Variants in TP73 observed in about 807,000 individuals in gnomAD.
TP73 encodes p53-like transcription factor.
A neutral mutation model predicts 62.5 loss-of-function variants in TP73; 25 were observed. The ratio of observed to expected loss-of-function variants is 0.40; its 90% confidence interval spans 0.29 to 0.56. TP73 has a LOEUF of 0.56. Ranked by LOEUF, TP73 falls within the 20% of genes least tolerant of loss-of-function variation. The probability of loss-of-function intolerance (pLI) is 0.46; values close to 1 mark genes in which losing one functional copy is unlikely to be tolerated. For synonymous variants in TP73, 423 were observed against 377.5 expected (o/e 1.12, Z -1.40); for missense variants, 754 against 913.3 (o/e 0.83, Z 2.25).
intron 1 of TP73, among the ~76,000 whole-genome samples, chr1:3,681,831 G>A (rs1645528686): frequency 1.3e-5 from 2 of 151,824 alleles, no homozygotes. Flanking sequence ...CATCCCCCAG[G>A]CCAAACCCAG....
rs530829131 is a variant in TP73 at position 3,698,454 on chromosome 1, C to T, written c.187-9095C>T. 9.2e-5 allele frequency among the ~76,000 whole-genome samples: 14 copies of T among 152,342 alleles called. No individual in the cohort carries two copies. In the Middle Eastern group the frequency reaches 0.01, roughly 111 times the overall value. On this transcript the variant is annotated intron_variant, in intron 3 of 13. Transcript: ENST00000378295. ...GCCTGGATACCCCACTGGGGCCTCC[C>T]GCAGACACTCAGGGTCCAGGCTGCC...
chr1:3,701,520 T>C lies in TP73; in HGVS notation c.187-6029T>C, dbSNP rs1392588667. The stretch of plus-strand genomic sequence containing the variant: ...CACGTTGATTTCTTTTTTGGTTTTT[T>C]TCGAGACAGAGTCTTGCTCTGTCAC... On this transcript the variant is annotated intron_variant, in intron 3 of 13. Coordinates refer to ENST00000378295, the MANE Select transcript of TP73 (RefSeq NM_005427.4). The surrounding 1 kb of genome is among the most constrained non-coding windows in gnomAD (Gnocchi z 4.7). Among the ~76,000 whole-genome samples, 2 of 152,190 alleles carry C rather than the reference T, an allele frequency of 1.3e-5. No individual in the cohort carries two copies. Among genetic ancestry groups the C allele is most frequent in the Non-Finnish European group, 2.9e-5 (2 of 68,040 alleles).
intron 3 of TP73, among the ~76,000 whole-genome samples, chr1:3,686,547 T>C (rs1252383975): frequency 6.6e-6 from 1 of 152,186 alleles, no homozygotes; most frequent in African/African-American, 2.4e-5. Flanking sequence ...CACTGGCCCC[T>C]GCAGAGGAGG....
chr1:3,690,889 ACC>A, intron 3 of TP73: 1 of 1,569,630 alleles, frequency 6.4e-7, no homozygotes, highest in Non-Finnish European at 8.6e-7. Flanking sequence ...GCGTGTGCAG[ACC>A]CCCCGGCGCC....
At chr1:3,678,874 G>C (rs955613671) in intron 1 of TP73, among the ~76,000 whole-genome samples, 13 of 152,342 alleles carry the variant, frequency 8.5e-5, no homozygotes, top group African/African-American at 2.9e-4. Flanking sequence ...GCACCTGGAG[G>C]CCCACTGCCC....
In TP73 at chr1:3,666,150, A is replaced by T. The variant is rs543394835; in HGVS notation, c.-34+13509A>T. Among the ~76,000 whole-genome samples the T allele has an allele frequency of 7.2e-5, 10 of 138,692 alleles. No homozygotes were observed. 91.0% of individuals were successfully genotyped at this position (138,692 alleles called of 152,430 possible). ...AAAAAAAAAAAAAAAAAAAAAAAAA[A>T]AGAGAGAGAGAGAGAGAGAATCTCA... On this transcript the variant is annotated intron_variant, in intron 1 of 13. Coordinates refer to ENST00000378295, the MANE Select transcript of TP73 (RefSeq NM_005427.4). This position sits in a 1 kb window ranked among gnomAD's most constrained non-coding sequence, Gnocchi z 6.4.
At position 3,705,930 on chromosome 1, in the gene TP73, G is replaced by C. The variant is rs894818325; in HGVS notation, c.187-1619G>C. On this transcript the variant is annotated intron_variant, in intron 3 of 13. Coordinates refer to ENST00000378295, the MANE Select transcript of TP73 (RefSeq NM_005427.4). ...TCACTAAACCCAACCACCTCTGATGGAGAAGGCTGAGGTGCAGGAAGGGGC... is the reference window on the plus strand; with the variant it reads ...TCACTAAACCCAACCACCTCTGATGCAGAAGGCTGAGGTGCAGGAAGGGGC... Among the ~76,000 whole-genome samples, 3 of 152,242 alleles carry C rather than the reference G, an allele frequency of 2.0e-5. No individual in the cohort carries two copies. In the East Asian group the frequency reaches 5.8e-4, roughly 29 times the overall value.
intron 4 of TP73, among the ~76,000 whole-genome samples, chr1:3,709,394 C>T (rs1016109946): frequency 6.6e-6 from 1 of 152,246 alleles, no homozygotes; most frequent in Admixed American, 6.5e-5. Flanking sequence ...TACTCCTCCA[C>T]GCACCTTACT....
Position 3,701,935 on chromosome 1 carries a change from C to T in TP73, c.187-5614C>T, listed in dbSNP as rs1639203763. Among the ~76,000 whole-genome samples, 1 of 152,198 alleles carries T rather than the reference C, an allele frequency of 6.6e-6. No individual in the cohort carries two copies. The highest frequency in any genetic ancestry group is 2.1e-4 in the South Asian group (1 of 4,836). ...CAGGACTCCTGACCTCAGAGCCCTG[C>T]TTGGCCCCCCAGGTCCCTGGGAGGT... On this transcript the variant is annotated intron_variant, in intron 3 of 13. Coordinates refer to ENST00000378295, the MANE Select transcript of TP73 (RefSeq NM_005427.4). The surrounding 1 kb of genome is among the most constrained non-coding windows in gnomAD (Gnocchi z 4.7).
Position 3,727,748 on chromosome 1 carries a change from G to T in TP73, c.963G>T (p.Lys321Asn). ...EQQALNESSAKNGAASKRAFK... is the reference protein window; with the variant it reads ...EQQALNESSANNGAASKRAFK... ...AGGCCCTGAACGAGAGCTCCGCCAA[G>T]AACGGGGCCGCCAGCAAGCGTGGTG... The change falls in exon 8 of 14, where the codon AAG becomes AAT. Residue 321 changes from lysine to asparagine, a missense_variant. Physicochemically the swap from Lys to Asn is moderately conservative, Grantham distance 94 (BLOSUM62 0). This residue lies in a region of TP73 where 458 missense variants were observed against 528.7 expected (regional missense o/e 0.87). Transcript: ENST00000378295. The T allele has an allele frequency of 6.5e-7, 1 of 1,548,066 alleles. No individual in the cohort carries two copies. The highest frequency in any genetic ancestry group is 1.2e-5 in the South Asian group (1 of 84,204).
At chr1:3,714,660 C>T (rs1640442963) in intron 4 of TP73, among the ~76,000 whole-genome samples, 1 of 152,266 alleles carries the variant, frequency 6.6e-6, no homozygotes, top group South Asian at 2.1e-4. Flanking sequence ...CTGGCGCTGT[C>T]AAAAAGCAAG....
intron 3 of TP73, chr1:3,690,935 C>A (rs949255402): frequency 1.8e-5 from 29 of 1,579,690 alleles, no homozygotes; most frequent in Non-Finnish European, 2.3e-5. Context: ...CCGCACGGCA[C>A]CTCGCCACGG....
chr1:3,678,051 A>G (rs903036517), intron 1 of TP73, among the ~76,000 whole-genome samples: 1 of 152,032 alleles, frequency 6.6e-6, no homozygotes, highest in Non-Finnish European at 1.5e-5. Context: ...CACTTCCAAT[A>G]ATGTATTTGC....
chr1:3,659,139 C>G (rs887545346), intron 1 of TP73: 2 of 151,196 alleles, frequency 1.3e-5, no homozygotes, highest in African/African-American at 4.9e-5. Context: ...GTGTGTTGTC[C>G]CATAATGCTT....
At chr1:3,707,972 T>G (rs1570545818) in intron 4 of TP73, 181 bp downstream of exon 4, 2 of 983,984 alleles carry the variant, frequency 2.0e-6, no homozygotes, top group Non-Finnish European at 2.9e-6. Flanking sequence ...GCAGTCTGGG[T>G]GTGCCCACCC....
chr1:3,663,453 C>T lies in TP73; in HGVS notation c.-34+10812C>T, dbSNP rs193077699. On this transcript the variant is annotated intron_variant, in intron 1 of 13. Coordinates refer to ENST00000378295, the MANE Select transcript of TP73 (RefSeq NM_005427.4). The surrounding 1 kb of genome is among the most constrained non-coding windows in gnomAD (Gnocchi z 4.7). ...ACAGGCGGCTGGGCGTGGTGGCTCA[C>T]GCCTGTAATCCCAGCACTTTGGGAG... Among the ~76,000 whole-genome samples, 230 of 152,232 alleles carry T rather than the reference C, an allele frequency of 1.5e-3. 3 individuals are homozygous for T. The East Asian group carries it at 0.039, about 26-fold the overall frequency.
At chr1:3,673,443 T>C (rs1442050030) in intron 1 of TP73, among the ~76,000 whole-genome samples, 1 of 152,196 alleles carries the variant, frequency 6.6e-6, no homozygotes, top group African/African-American at 2.4e-5. Flanking sequence ...TGTGCCCAGA[T>C]AGAGGAGTGC....
At chr1:3,729,170 A>T (rs1351312419) in intron 9 of TP73, among the ~76,000 whole-genome samples, 157 bp from the exon 10 acceptor site, 1 of 151,822 alleles carries the variant, frequency 6.6e-6, no homozygotes, top group Non-Finnish European at 1.5e-5. Flanking sequence ...TCTTGGGAAG[A>T]GGAAAGAAGA....
intron 4 of TP73, among the ~76,000 whole-genome samples, chr1:3,719,066 T>G (rs3765769): frequency 6.6e-6 from 1 of 152,112 alleles, no homozygotes; most frequent in African/African-American, 2.4e-5. Context: ...GGGCCGGACC[T>G]CAGAGGCCCT....
Sources: gnomAD v4.1 joint callset for allele counts (sites outside exome capture counted in the v4.1 genomes callset) on GRCh38, gnomAD v4.1.1 for gene constraint, gnomAD v4.1.1 regional missense constraint, Gnocchi (gnomAD v3.1) non-coding constraint, MANE v1.5 for transcripts, NCBI Gene and HGNC (gene_info 2026-07-23, HGNC 2026-07-21) for gene names.